Variants in HDGFL2 observed in about 807,000 individuals in gnomAD.
HDGFL2 encodes the protein hepatoma-derived growth factor-related protein 2.
A neutral mutation model predicts 77.1 loss-of-function variants in HDGFL2; 36 were observed. The observed-to-expected ratio is 0.47, with a 90% CI of 0.36 to 0.62. The LOEUF (loss-of-function observed/expected upper bound fraction) is 0.62, where lower values mean the gene tolerates loss of function less well. HDGFL2 is among the 20% of genes least tolerant of loss of function. The probability of loss-of-function intolerance (pLI) is 0.00; values close to 1 mark genes in which losing one functional copy is unlikely to be tolerated. For missense variants in HDGFL2, 976 were observed against 973.4 expected, an observed-to-expected ratio of 1.00 and a Z score of -0.04; for synonymous variants, 463 against 413.1, an observed-to-expected ratio of 1.12 and a Z score of -1.46.
chr19:4,475,835 G>A (rs539604948), intron 3 of HDGFL2, among the ~76,000 whole-genome samples: 1 of 152,102 alleles, frequency 6.6e-6, no homozygotes, highest in African/African-American at 2.4e-5. Flanking sequence ...GGGTGGAGGG[G>A]AACGGGATAG....
intron 4 of HDGFL2, among the ~76,000 whole-genome samples, chr19:4,490,132 G>T (rs183329227): frequency 5.9e-5 from 9 of 152,298 alleles, no homozygotes; most frequent in Admixed American, 1.3e-4. Context: ...CTGTCGCCCA[G>T]GCTGGAGTGC....
chr19:4,492,469 G>A (rs941119352), intron 6 of HDGFL2, among the ~76,000 whole-genome samples: 1 of 151,972 alleles, frequency 6.6e-6, no homozygotes, highest in Admixed American at 6.6e-5. Flanking sequence ...GCCTGTGTGT[G>A]TGCCTGTGTG....
At chr19:4,497,015 C>T (rs889479085) in intron 10 of HDGFL2, 2 of 383,544 alleles carry the variant, frequency 5.2e-6, no homozygotes, top group Non-Finnish European at 5.2e-6. Context: ...GCTGGGATTA[C>T]AGGCACCCGC....
rs1355467828 is a variant in HDGFL2, at chr19:4,482,216, C to CT, written c.289-6449dup. ...CCCTGGCCTTGTTTTTTCTTTCTTT[C>CT]TTTTTTTTTTTGAGATGGAGTCTCG... On this transcript the variant is annotated intron_variant, in intron 3 of 15. Coordinates refer to ENST00000616600, the MANE Select transcript of HDGFL2 (RefSeq NM_001001520.3). 2.3e-3 allele frequency among the ~76,000 whole-genome samples: 266 copies of CT among 116,542 alleles called. 1 individual carries two copies. The highest frequency in any genetic ancestry group is 4.3e-3 in the Admixed American group (50 of 11,548). 76.5% of individuals were successfully genotyped at this position (116,542 alleles called of 152,430 possible).
At chr19:4,495,982 T>C (rs1352235120) in intron 9 of HDGFL2, among the ~76,000 whole-genome samples, 1 of 152,062 alleles carries the variant, frequency 6.6e-6, no homozygotes, top group Non-Finnish European at 1.5e-5. Context: ...CCGTGTTCTC[T>C]CTCTGTCACT....
At chr19:4,484,666 A>ATT (rs71168907) in intron 3 of HDGFL2, among the ~76,000 whole-genome samples, 4 of 74,116 alleles carry the variant, frequency 5.4e-5, no homozygotes, top group South Asian at 5.6e-4. Flanking sequence ...CGCCTGGCTA[A>ATT]TTTTTTTTTT....
At chr19:4,489,308 C>T (rs1306192163) in intron 4 of HDGFL2, among the ~76,000 whole-genome samples, 4 of 150,788 alleles carry the variant, frequency 2.7e-5, no homozygotes, top group Non-Finnish European at 5.9e-5. Context: ...GGCGGGAGTG[C>T]AGTGGCACGA....
At chr19:4,497,895 GCCA>G in intron 10 of HDGFL2, 60 bp from the exon 11 acceptor site, 1 of 1,438,254 alleles carries the variant, frequency 7.0e-7, no homozygotes, top group Admixed American at 2.0e-5. Flanking sequence ...CCCTTCAGGC[GCCA>G]GCCCCTCAGT....
intron 6 of HDGFL2, 21 bp from the exon 7 acceptor site, chr19:4,493,682 C>T (rs1451501225): frequency 6.9e-7 from 1 of 1,443,662 alleles, no homozygotes; most frequent in South Asian, 1.5e-5. Flanking sequence ...GATGCTCACG[C>T]CTGTCCCTGC....
intron 8 of HDGFL2, 52 bp downstream of exon 8, chr19:4,494,109 G>T (rs1009612510): frequency 2.0e-6 from 3 of 1,515,494 alleles, no homozygotes; most frequent in Admixed American, 4.4e-5. Flanking sequence ...CGGCTGAGGG[G>T]CAGGGCGGGC....
intron 6 of HDGFL2, 106 bp downstream of exon 6, chr19:4,491,941 A>G: frequency 3.8e-6 from 4 of 1,041,308 alleles, no homozygotes; most frequent in Non-Finnish European, 5.8e-6. Flanking sequence ...GGGGTGGGAC[A>G]CGGACTGCAG....
chr19:4,475,885 A>G (rs1975058888), intron 3 of HDGFL2, among the ~76,000 whole-genome samples: 1 of 125,054 alleles, frequency 8.0e-6, no homozygotes, highest in African/African-American at 3.2e-5. Flanking sequence ...GAATCAGTCC[A>G]AGTTTCTTTT....
intron 3 of HDGFL2, among the ~76,000 whole-genome samples, chr19:4,482,918 G>A (rs1975256531): frequency 6.6e-6 from 1 of 152,082 alleles, no homozygotes; most frequent in African/African-American, 2.4e-5. Context: ...CAGGGGCGGG[G>A]CTGGGTGGAG....
intron 12 of HDGFL2, 37 bp from the exon 13 acceptor site, chr19:4,498,777 G>A (rs1305236063): frequency 6.9e-7 from 1 of 1,459,292 alleles, no homozygotes; most frequent in Non-Finnish European, 9.5e-7. Context: ...GGATCCCTTG[G>A]CCAGGCCGTC....
Position 4,493,764 on chromosome 19 carries a change from C to A in HDGFL2, c.740C>A (p.Pro247Gln). Residue 247 changes from proline to glutamine, a missense_variant, in exon 7 of 16, where the codon CCG (proline) becomes CAG (glutamine). Physicochemically the swap from Pro to Gln is moderately conservative, Grantham distance 76. Transcript: ENST00000616600. ...KADSDGAKPEPVAMARSASSS... is the reference protein window; with the variant it reads ...KADSDGAKPEQVAMARSASSS... ...GATTCGGACGGGGCCAAGCCTGAGC[C>A]GGTGGCCATGGCGCGGTCGGCGTCC... 6.5e-7 allele frequency: 1 copy of A among 1,543,126 alleles called. No individual in the cohort carries two copies. Among genetic ancestry groups the A allele is most frequent in the Non-Finnish European group, 8.8e-7 (1 of 1,141,202 alleles).
At chr19:4,475,420 A>G (rs770165412) in intron 2 of HDGFL2, 25 bp from the exon 3 acceptor site, 1 of 1,613,452 alleles carries the variant, frequency 6.2e-7, no homozygotes, top group Non-Finnish European at 8.5e-7. Flanking sequence ...CTCACCTGGG[A>G]CTGGCCCCCG....
chr19:4,485,093 A>C lies in HDGFL2; in HGVS notation c.289-3583A>C, dbSNP rs1222775121. Reference sequence around the variant, plus strand: ...AGTGCTGGGATTACAGGCATGAGCCACTGCGCCTGGCCCAGGATATTTTCA... The same window carrying C: ...AGTGCTGGGATTACAGGCATGAGCCCCTGCGCCTGGCCCAGGATATTTTCA... On this transcript the variant is annotated intron_variant, in intron 3 of 15. Transcript: ENST00000616600. Among the ~76,000 whole-genome samples the C allele has an allele frequency of 2.6e-5, 4 of 152,154 alleles. No homozygotes were observed. The East Asian group carries it at 7.7e-4, about 29-fold the overall frequency.
intron 3 of HDGFL2, among the ~76,000 whole-genome samples, chr19:4,484,666 ATTTTTTT>A (rs71168907): frequency 4.6e-4 from 34 of 74,122 alleles, no homozygotes; most frequent in African/African-American, 1.3e-3. Flanking sequence ...CGCCTGGCTA[ATTTTTTT>A]TTTTTTTTTT....
At chr19:4,491,356 A>G (rs1342926885) in intron 4 of HDGFL2, among the ~76,000 whole-genome samples, 1 of 146,190 alleles carries the variant, frequency 6.8e-6, no homozygotes, top group African/African-American at 2.5e-5. Flanking sequence ...ACCTCCTATA[A>G]GAGTTTGTCT....
Sources: gnomAD v4.1 joint callset for allele counts (sites outside exome capture counted in the v4.1 genomes callset) on GRCh38, gnomAD v4.1.1 for gene constraint, MANE v1.5 for transcripts, NCBI Gene and HGNC (gene_info 2026-07-23, HGNC 2026-07-21) for gene names.